ACBD6: variants seen among roughly 807,000 people sequenced by gnomAD.
ACBD6 encodes acyl-CoA-binding domain-containing protein 6.
ACBD6 carries 28 observed loss-of-function variants against 37.2 expected under a neutral mutation model. The observed-to-expected ratio is 0.75, with a 90% CI of 0.56 to 1.03. ACBD6 has a LOEUF of 1.03. Ranked by LOEUF, ACBD6 falls within the 50% of genes least tolerant of loss-of-function variation. The pLI is 0.00. For missense variants in ACBD6, 340 were observed against 337.4 expected (o/e 1.01, Z -0.06); for synonymous variants, 113 against 126.8 (o/e 0.89, Z 0.73).
chr1:180,442,982 T>C (rs1236192979), intron 3 of ACBD6, among the ~76,000 whole-genome samples: 1 of 140,860 alleles, frequency 7.1e-6, no homozygotes, highest in Non-Finnish European at 1.6e-5. Flanking sequence ...TCCTGGGTCA[T>C]ATTTTCCTGC....
intron 5 of ACBD6, among the ~76,000 whole-genome samples, chr1:180,406,472 A>G (rs1283264073): frequency 6.6e-6 from 1 of 152,154 alleles, no homozygotes; most frequent in Non-Finnish European, 1.5e-5. Flanking sequence ...AATTATACTT[A>G]TGTACAATAA....
chr1:180,408,129 CA>C (rs1425304276), intron 5 of ACBD6, among the ~76,000 whole-genome samples: 1 of 151,982 alleles, frequency 6.6e-6, no homozygotes, highest in South Asian at 2.1e-4. Flanking sequence ...GTGATATAAG[CA>C]AAAAAACAAA....
chr1:180,447,496 A>G (rs1649520863), intron 3 of ACBD6, among the ~76,000 whole-genome samples: 1 of 152,136 alleles, frequency 6.6e-6, no homozygotes, highest in African/African-American at 2.4e-5. Context: ...GGCTTTTGTC[A>G]ATTGTCTTGG....
At chr1:180,435,470 C>G in intron 3 of ACBD6, 1 of 498,324 alleles carries the variant, frequency 2.0e-6, no homozygotes, top group South Asian at 2.3e-5. Context: ...CCAGGATGGT[C>G]TCAATCTCCT....
At chr1:180,311,779 A>G (rs1195321769) in intron 7 of ACBD6, among the ~76,000 whole-genome samples, 2 of 152,206 alleles carry the variant, frequency 1.3e-5, no homozygotes, top group African/African-American at 2.4e-5. Flanking sequence ...TGGTTCAAAT[A>G]TCACAAAGTT....
chr1:180,369,972 T>A (rs569675534), intron 6 of ACBD6, among the ~76,000 whole-genome samples: 6 of 152,322 alleles, frequency 3.9e-5, no homozygotes, highest in African/African-American at 1.4e-4. Flanking sequence ...TGAATTCTTT[T>A]TTTCTTTTCC....
At chr1:180,347,522 A>AT (rs976995743) in intron 6 of ACBD6, among the ~76,000 whole-genome samples, 7 of 152,080 alleles carry the variant, frequency 4.6e-5, no homozygotes, top group African/African-American at 1.7e-4. Flanking sequence ...GCCTGCCATC[A>AT]TGGCCAGCTA....
intron 4 of ACBD6, among the ~76,000 whole-genome samples, chr1:180,422,050 CA>C (rs1308102815): frequency 2.0e-5 from 3 of 152,260 alleles, no homozygotes; most frequent in Admixed American, 2.0e-4. Context: ...TTTCTCAAAT[CA>C]TAGTAGAGTC....
chr1:180,499,958 C>G (rs1034959251), intron 1 of ACBD6, among the ~76,000 whole-genome samples: 5 of 151,982 alleles, frequency 3.3e-5, no homozygotes, highest in African/African-American at 1.2e-4. Flanking sequence ...AGTTTAAGAA[C>G]ACAGTGGGGC....
intron 6 of ACBD6, among the ~76,000 whole-genome samples, chr1:180,389,004 AT>A (rs142303329): frequency 0.042 from 6,357 of 151,786 alleles, 371 homozygotes; most frequent in African/African-American, 0.11. Context: ...ATTCAATGCA[AT>A]TTTTTTTTAT....
intron 6 of ACBD6, among the ~76,000 whole-genome samples, chr1:180,333,091 C>T (rs1485449161): frequency 2.6e-5 from 4 of 151,870 alleles, no homozygotes; most frequent in African/African-American, 9.7e-5. Context: ...CAATATTTAC[C>T]ATATTAGAAA....
At chr1:180,332,549 G>C (rs1651525824) in intron 6 of ACBD6, among the ~76,000 whole-genome samples, 1 of 151,968 alleles carries the variant, frequency 6.6e-6, no homozygotes, top group Non-Finnish European at 1.5e-5. Context: ...GCACATATGA[G>C]GGATCTAAGT....
intron 3 of ACBD6, among the ~76,000 whole-genome samples, chr1:180,445,307 T>G (rs1649433395): frequency 2.0e-5 from 3 of 152,180 alleles, no homozygotes. Context: ...CTAATAGCTC[T>G]AAACTCCTGA....
intron 3 of ACBD6, among the ~76,000 whole-genome samples, chr1:180,461,346 G>A (rs1650138438): frequency 6.6e-6 from 1 of 152,130 alleles, no homozygotes; most frequent in Non-Finnish European, 1.5e-5. Flanking sequence ...TCATCCTTGA[G>A]AACTTTCCCA....
intron 5 of ACBD6, among the ~76,000 whole-genome samples, chr1:180,408,123 T>C (rs1647701105): frequency 6.6e-6 from 1 of 152,164 alleles, no homozygotes; most frequent in South Asian, 2.1e-4. Flanking sequence ...GAGACAGTGA[T>C]ATAAGCAAAA....
intron 6 of ACBD6, among the ~76,000 whole-genome samples, chr1:180,367,739 G>T (rs528903181): frequency 1.3e-5 from 2 of 152,204 alleles, no homozygotes; most frequent in African/African-American, 4.8e-5. Context: ...TTTTATGGCT[G>T]CATAGTATTC....
In ACBD6 at chr1:180,472,651, A is replaced by T. The variant is rs150738522; in HGVS notation, c.384+19618T>A. On this transcript the variant is annotated intron_variant, in intron 3 of 7. Transcript: ENST00000367595. Reference sequence around the variant, plus strand: ...AACTGGATGATTTCATGTTACACTGATCAGCAGGAATGCTAAAGAAAAAAG... The same window carrying T: ...AACTGGATGATTTCATGTTACACTGTTCAGCAGGAATGCTAAAGAAAAAAG... Among the ~76,000 whole-genome samples, 861 of 152,324 alleles carry T rather than the reference A, an allele frequency of 5.7e-3. 6 individuals are homozygous for T. The highest frequency in any genetic ancestry group is 0.019 in the African/African-American group (798 of 41,576).
chr1:180,405,844 T>C (rs1224801327), intron 5 of ACBD6, among the ~76,000 whole-genome samples: 3 of 152,116 alleles, frequency 2.0e-5, no homozygotes, highest in African/African-American at 4.8e-5. Flanking sequence ...TCATAAATAT[T>C]TGGTATGTGT....
chr1:180,421,732 A>T (rs1648372331), intron 4 of ACBD6, among the ~76,000 whole-genome samples: 1 of 152,112 alleles, frequency 6.6e-6, no homozygotes, highest in African/African-American at 2.4e-5. Flanking sequence ...AAGGCATCTC[A>T]TTATGGTTTT....
Sources: gnomAD v4.1 joint callset for allele counts (sites outside exome capture counted in the v4.1 genomes callset) on GRCh38, gnomAD v4.1.1 for gene constraint, MANE v1.5 for transcripts, NCBI Gene and HGNC (gene_info 2026-07-23, HGNC 2026-07-21) for gene names.